The following C3 variants were observed in gnomAD, a reference collection of about 807,000 sequenced individuals.
C3 encodes the protein complement C3.
C3 carries 97 observed loss-of-function variants against 207.9 expected under a neutral mutation model. The ratio of observed to expected loss-of-function variants is 0.47; its 90% CI spans 0.40 to 0.55. C3 has a LOEUF of 0.55. Among genes scored for constraint, C3 ranks in the 20% least tolerant of loss-of-function variants. C3 has a pLI of 0.00. For missense variants in C3, 1,684 were observed against 2,171.7 expected, an observed-to-expected ratio of 0.78 and a Z score of 4.46; for synonymous variants, 848 against 857.6, an observed-to-expected ratio of 0.99 and a Z score of 0.20.
At position 6,700,553 on chromosome 19, in the gene C3, AAT is replaced by A. The variant is rs777457996; in HGVS notation, c.2440+1572_2440+1573del. On this transcript the variant is annotated intron_variant, in intron 19 of 40. Coordinates refer to ENST00000245907, the MANE Select transcript of C3 (RefSeq NM_000064.4). The stretch of plus-strand genomic sequence containing the variant: ...ATGATATATTATATATGTAATATAT[AAT>A]ATATGTAATATATGATATATTATAT... 1.6e-4 allele frequency among the ~76,000 whole-genome samples: 3 copies of A among 19,320 alleles called. 1 individual carries two copies. Among genetic ancestry groups the A allele is most frequent in the Non-Finnish European group, 2.4e-4 (3 of 12,756 alleles). The allele number at this position is 19,320 out of a possible 152,430, so 12.7% of individuals were successfully genotyped here.
In C3 at chr19:6,694,417, G is replaced by T. The variant is rs1485392973; in HGVS notation, c.3154+14C>A. ...AGGGGTCCCTGGGGTCTCCAAGAGG[G>T]GCAGGGAGCCCACCCTTCTTGATGA... On this transcript the variant is annotated intron_variant, in intron 24 of 40. Coordinates refer to ENST00000245907, the MANE Select transcript of C3 (RefSeq NM_000064.4). 1.2e-6 allele frequency: 2 copies of T among 1,612,922 alleles called. No homozygotes were observed. The highest frequency in any genetic ancestry group is 1.3e-5 in the African/African-American group (1 of 74,990).
At chr19:6,693,782 G>A (rs1599506798) in intron 24 of C3, among the ~76,000 whole-genome samples, 1 of 152,122 alleles carries the variant, frequency 6.6e-6, no homozygotes, top group Non-Finnish European at 1.5e-5. Context: ...GAAGAGGCAT[G>A]GCCTGGAGAG....
chr19:6,689,298 C>CTCT (rs1568213351), intron 27 of C3, among the ~76,000 whole-genome samples: 25 of 113,046 alleles, frequency 2.2e-4, no homozygotes, highest in African/African-American at 9.2e-4. Context: ...CCCCACCTCT[C>CTCT]CTCTCTCTCT....
intron 38 of C3, 77 bp from the exon 39 acceptor site, chr19:6,678,532 G>A (rs770510549): frequency 2.9e-4 from 346 of 1,180,772 alleles, no homozygotes; most frequent in Non-Finnish European, 3.9e-4. Flanking sequence ...AAGTGCACCC[G>A]GGCATGTGGC....
Position 6,682,177 on chromosome 19 carries a change from T to C in C3, c.4225A>G (p.Thr1409Ala). ...TCATCTGTGTCTGGAGCAAAGCCAG[T>C]CATCATGGATATGTCCAATATAGAC... ...TMSILDISMMTGFAPDTDDLK... is the reference protein window; with the variant it reads ...TMSILDISMMAGFAPDTDDLK... Residue 1409 changes from threonine to alanine, a missense_variant, in exon 34 of 41, where the codon ACT becomes GCT. Physicochemically the swap from Thr to Ala is moderately conservative, Grantham distance 58. Coordinates refer to ENST00000245907, the MANE Select transcript of C3 (RefSeq NM_000064.4). The C allele has an allele frequency of 6.2e-7, 1 of 1,614,070 alleles. No homozygotes were observed. Among genetic ancestry groups the C allele is most frequent in the Non-Finnish European group, 8.5e-7 (1 of 1,179,958 alleles).
Position 6,706,633 on chromosome 19 carries a change from C to A in C3, c.2245+443G>T, listed in dbSNP as rs150293184. Among the ~76,000 whole-genome samples the A allele has an allele frequency of 1.3e-3, 189 of 150,726 alleles. 1 individual carries two copies. Among genetic ancestry groups the A allele is most frequent in the African/African-American group, 4.4e-3 (180 of 40,952 alleles). ...TACCCTCTCAGACAGCGGCATCCTC[C>A]CCCCTCAGACAGAGGCCTCCTCCCT... On this transcript the variant is annotated intron_variant, in intron 17 of 40. Transcript: ENST00000245907.
rs1352862777 is a variant in C3 at position 6,707,077 on chromosome 19, C to T, written c.2244G>A (p.Arg748=). 1 of 1,609,556 alleles carries T rather than the reference C, an allele frequency of 6.2e-7. No homozygotes were observed. Among genetic ancestry groups the T allele is most frequent in the East Asian group, 2.2e-5 (1 of 44,730 alleles). ...CTGTCCCCACCCCGTGGGACCTACT[C>T]CTGGCCAGGCCCAGGTGGCTGGCCC... is the stretch of plus-strand genomic sequence containing the variant. The part of the protein sequence containing the change: ...HARASHLGLA[R]SNLDEDIIAE... Residue 748 remains arginine (R), a splice_region_variant and synonymous_variant, in exon 17 of 41, where the codon AGG becomes AGA. Transcript: ENST00000245907.
At position 6,719,187 on chromosome 19, in the gene C3, G is replaced by C; in HGVS notation, c.267+24C>G. On this transcript the variant is annotated intron_variant, in intron 2 of 40. Transcript: ENST00000245907. The surrounding 1 kb of genome is among the most constrained non-coding windows in gnomAD (Gnocchi z 5.4). ...TGGGCGTGGCTGTGGGTGTCAGCCG[G>C]GTCCTGCGCCAGTCTGCACTCACCG... is the stretch of plus-strand genomic sequence containing the variant. 2 of 1,610,230 alleles carry C rather than the reference G, an allele frequency of 1.2e-6. No individual in the cohort carries two copies. Among genetic ancestry groups the C allele is most frequent in the Non-Finnish European group, 1.7e-6 (2 of 1,176,584 alleles).
At chr19:6,715,651 T>C in intron 4 of C3, among the ~76,000 whole-genome samples, 1 of 150,306 alleles carries the variant, frequency 6.7e-6, no homozygotes, top group East Asian at 1.9e-4. Context: ...AGACGGAGTC[T>C]TGCTCTGTCG....
rs1568213589 is a variant in C3, at chr19:6,689,364, T to TCC, written c.3489+1264_3489+1265insGG. ...CCCTCCCTCCCTCCCTCCCTCCCTC[T>TCC]CTCTCTCTCTCTCTCTCTCTCTCTG... On this transcript the variant is annotated intron_variant, in intron 27 of 40. Coordinates refer to ENST00000245907, the MANE Select transcript of C3 (RefSeq NM_000064.4). 2.3e-4 allele frequency among the ~76,000 whole-genome samples: 17 copies of TCC among 74,290 alleles called. No individual in the cohort carries two copies. The East Asian group carries it at 2.4e-3, about 11-fold the overall frequency. 48.7% of individuals were successfully genotyped at this position (74,290 alleles called of 152,430 possible). A position where few individuals can be genotyped will look rare whatever the true frequency, so the allele number is the denominator to read the frequency against.
Position 6,713,193 on chromosome 19 carries a change from G to A in C3, c.999C>T (p.His333=), listed in dbSNP as rs560863634. The A allele has an allele frequency of 6.2e-7, 1 of 1,613,748 alleles. No individual in the cohort carries two copies. Among genetic ancestry groups the A allele is most frequent in the Non-Finnish European group, 8.5e-7 (1 of 1,180,008 alleles). ...SLYVSATVIL[H]SGSDMVQAER... is the part of the protein sequence containing the mutation. ...GGCCTTCAGACTGGGCCTCACCTGAGTGCAAGATGACGGTGGCAGACACGT... is the reference window on the plus strand; with the variant it reads ...GGCCTTCAGACTGGGCCTCACCTGAATGCAAGATGACGGTGGCAGACACGT... Residue 333 remains histidine (H), a synonymous_variant, in exon 9 of 41, where the codon CAC becomes CAT. Coordinates refer to ENST00000245907, the MANE Select transcript of C3 (RefSeq NM_000064.4).
At chr19:6,701,747 A>T (rs1180056623) in intron 19 of C3, among the ~76,000 whole-genome samples, 2 of 151,526 alleles carry the variant, frequency 1.3e-5, no homozygotes, top group African/African-American at 4.9e-5. Flanking sequence ...CTGGTCTTGA[A>T]CTCCTGACCT....
intron 35 of C3, among the ~76,000 whole-genome samples, 174 bp from the exon 36 acceptor site, chr19:6,680,437 C>T (rs1433991998): frequency 6.6e-6 from 1 of 152,244 alleles, no homozygotes; most frequent in Non-Finnish European, 1.5e-5. Flanking sequence ...GTGAGACTAC[C>T]TTTCTCAGCT....
intron 14 of C3, 95 bp downstream of exon 14, chr19:6,709,589 C>A (rs1159429066): frequency 3.0e-6 from 4 of 1,346,788 alleles, no homozygotes; most frequent in Non-Finnish European, 4.2e-6. Flanking sequence ...GCGCATGCCC[C>A]CCACTGCACT....
chr19:6,703,904 C>T (rs370508878), intron 17 of C3, among the ~76,000 whole-genome samples: 12 of 151,904 alleles, frequency 7.9e-5, no homozygotes, highest in East Asian at 5.8e-4. Flanking sequence ...GCCGAGACTG[C>T]GCAACTGCAC....
chr19:6,677,809 C>T lies in C3; in HGVS notation c.*73G>A, dbSNP rs1917745687. ...AGGCGGCTGGGGATTTCAGCCTCTC[C>T]CTCTTGGCAAAGAACTCCAGACACG... On this transcript the variant is annotated 3_prime_UTR_variant, in exon 41 of 41. Transcript: ENST00000245907. The T allele has an allele frequency of 6.3e-7, 1 of 1,588,478 alleles. No individual in the cohort carries two copies. Among genetic ancestry groups the T allele is most frequent in the Non-Finnish European group, 8.6e-7 (1 of 1,161,732 alleles).
At position 6,686,278 on chromosome 19, in the gene C3, C is replaced by A. The variant is rs369542526; in HGVS notation, c.3656G>T (p.Arg1219Leu). The change falls in exon 29 of 41, where the codon CGC becomes CTC. Residue 1219 changes from arginine (R) to leucine (L), a missense_variant. Around this residue, in one of 3 missense-constraint regions of C3, gnomAD observed 1,280 missense variants for 1,739.1 expected, o/e 0.74. Coordinates refer to ENST00000245907, the MANE Select transcript of C3 (RefSeq NM_000064.4). ...KFLTTAKDKN[R>L]WEDPGKQLYN... ...GAGCTGCTTACCAGGGTCCTCCCAG[C>A]GGTTCTTATCTGCAAAGAAGATACC... 1.4e-5 allele frequency: 22 copies of A among 1,613,908 alleles called. No individual in the cohort carries two copies. Among genetic ancestry groups the A allele is most frequent in the Non-Finnish European group, 1.9e-5 (22 of 1,180,032 alleles).
chr19:6,695,116 C>T (rs1471529079), intron 23 of C3, among the ~76,000 whole-genome samples: 3 of 151,712 alleles, frequency 2.0e-5, no homozygotes, highest in Non-Finnish European at 4.4e-5. Flanking sequence ...ACTAAAAATA[C>T]AAAAATTAGT....
At position 6,692,948 on chromosome 19, in the gene C3, C is replaced by G; in HGVS notation, c.3366G>C (p.Ala1122=). ...CAATCATTTCTTGGTGTATCACGGGCGCATCCTCCTGGAAGACCCCGTCGG... is the reference window on the plus strand; with the variant it reads ...CAATCATTTCTTGGTGTATCACGGGGGCATCCTCCTGGAAGACCCCGTCGG... ...QKPDGVFQED[A]PVIHQEMIGG... The change falls in exon 26 of 41, where the codon GCG becomes GCC. Residue 1122 remains alanine (A), a synonymous_variant. Transcript: ENST00000245907. 6.2e-7 allele frequency: 1 copy of G among 1,614,114 alleles called. No homozygotes were observed. Among genetic ancestry groups the G allele is most frequent in the South Asian group, 1.1e-5 (1 of 91,082 alleles).
Sources: allele counts gnomAD v4.1 joint callset (sites outside exome capture counted in the v4.1 genomes callset), GRCh38; gene constraint gnomAD v4.1.1; regional missense constraint gnomAD v4.1.1; non-coding constraint Gnocchi (gnomAD v3.1); transcripts MANE v1.5; gene names NCBI Gene and HGNC (gene_info 2026-07-23, HGNC 2026-07-21).